COL21A1: variants seen among roughly 807,000 people sequenced by gnomAD.
COL21A1 encodes the protein collagen alpha-1(XXI) chain.
Under a neutral mutation model 137.9 loss-of-function variants are expected in COL21A1, and 149 were observed. The observed-to-expected ratio is 1.08, with a 90% confidence interval of 0.95 to 1.24. The LOEUF (loss-of-function observed/expected upper bound fraction) is 1.24. COL21A1 is among the 50% of genes most tolerant of loss of function. The pLI, the probability that COL21A1 is intolerant of heterozygous loss-of-function variation, is 0.00. For missense variants in COL21A1, 1,167 were observed against 1,158.4 expected (o/e 1.01, Z -0.11); for synonymous variants, 456 against 391.5 (o/e 1.16, Z -1.95).
intron 1 of COL21A1, among the ~76,000 whole-genome samples, chr6:56,318,023 AC>A (rs1203943976): frequency 6.6e-6 from 1 of 152,214 alleles, no homozygotes; most frequent in Non-Finnish European, 1.5e-5. Flanking sequence ...CACATTAAGT[AC>A]CATGTGCAAA....
In COL21A1 at chr6:56,170,775, T is replaced by C; in HGVS notation, c.900A>G (p.Ile300Met). The part of the protein sequence containing the change: ...KVKKIWDLWR[I>M]LTIDGRPQIA... Reference sequence around the variant, plus strand: ...TTTGTGGCCTTCCATCAATAGTTAATATTCTCCATAAATCCCAAATTTTCT... The same window carrying C: ...TTTGTGGCCTTCCATCAATAGTTAACATTCTCCATAAATCCCAAATTTTCT... The change falls in exon 5 of 30, where the codon ATA (isoleucine) becomes ATG (methionine). Residue 300 changes from isoleucine to methionine, a missense_variant. Physicochemically the swap from Ile to Met is conservative, Grantham distance 10. Transcript: ENST00000244728. 1 of 1,608,630 alleles carries C rather than the reference T, an allele frequency of 6.2e-7. No homozygotes were observed. Among genetic ancestry groups the C allele is most frequent in the Non-Finnish European group, 8.5e-7 (1 of 1,176,508 alleles).
At chr6:56,109,753 G>A (rs1426191989) in intron 16 of COL21A1, among the ~76,000 whole-genome samples, 2 of 151,936 alleles carry the variant, frequency 1.3e-5, no homozygotes, top group Non-Finnish European at 2.9e-5. Context: ...AACAAAATAT[G>A]CCAAGAAATT....
At chr6:56,158,064 T>G (rs12207447) in intron 9 of COL21A1, among the ~76,000 whole-genome samples, 10,918 of 152,134 alleles carry the variant, frequency 0.072, 435 homozygotes, top group Middle Eastern at 0.12. Context: ...GCAACACTTT[T>G]TGTGAGGTGA....
At chr6:56,114,921 C>T (rs571357851) in intron 16 of COL21A1, among the ~76,000 whole-genome samples, 8 of 148,528 alleles carry the variant, frequency 5.4e-5, no homozygotes, top group African/African-American at 2.0e-4. Flanking sequence ...TTGGAACCAA[C>T]CCAAATGTCC....
intron 16 of COL21A1, among the ~76,000 whole-genome samples, chr6:56,107,473 A>C (rs897375139): frequency 1.3e-5 from 2 of 152,190 alleles, no homozygotes; most frequent in Non-Finnish European, 2.9e-5. Context: ...TTTTTGGAGT[A>C]ACTGGGATTT....
chr6:56,065,811 G>A (rs760788450), intron 23 of COL21A1, among the ~76,000 whole-genome samples: 1 of 151,916 alleles, frequency 6.6e-6, no homozygotes, highest in Non-Finnish European at 1.5e-5. Context: ...CATGTGTGGG[G>A]CACGATTAAA....
At chr6:56,388,412 T>G (rs892917030) in intron 1 of COL21A1, among the ~76,000 whole-genome samples, 1 of 152,224 alleles carries the variant, frequency 6.6e-6, no homozygotes, top group African/African-American at 2.4e-5. Context: ...CAGAGACTCC[T>G]GCTGATTGGA....
chr6:56,216,694 C>T (rs1253697545), intron 1 of COL21A1, among the ~76,000 whole-genome samples: 1 of 152,030 alleles, frequency 6.6e-6, no homozygotes, highest in East Asian at 1.9e-4. Context: ...ATTCTTTTCT[C>T]TAACCACCTG....
chr6:56,168,848 C>T (rs1479773429), intron 5 of COL21A1, among the ~76,000 whole-genome samples: 1 of 151,872 alleles, frequency 6.6e-6, no homozygotes, highest in East Asian at 1.9e-4. Flanking sequence ...TCCTCCAGGC[C>T]AATTATCACT....
chr6:56,188,204 T>C (rs979447822), intron 1 of COL21A1, among the ~76,000 whole-genome samples: 2 of 152,218 alleles, frequency 1.3e-5, no homozygotes, highest in Non-Finnish European at 2.9e-5. Context: ...AAAACAGATG[T>C]AATCACTTTA....
At chr6:56,389,396 G>C (rs2094024703) in intron 1 of COL21A1, among the ~76,000 whole-genome samples, 1 of 148,874 alleles carries the variant, frequency 6.7e-6, no homozygotes, top group Non-Finnish European at 1.5e-5. Flanking sequence ...ATATACAAAG[G>C]AGAAAAAATT....
At chr6:56,303,151 A>G (rs1320116418) in intron 1 of COL21A1, among the ~76,000 whole-genome samples, 2 of 152,188 alleles carry the variant, frequency 1.3e-5, no homozygotes, top group African/African-American at 4.8e-5. Flanking sequence ...TATAGTTTGA[A>G]GTCAGGTAGC....
intron 2 of COL21A1, among the ~76,000 whole-genome samples, chr6:56,181,063 T>C (rs1582577087): frequency 2.6e-5 from 4 of 152,194 alleles, no homozygotes; most frequent in African/African-American, 9.7e-5. Flanking sequence ...TAGGTTGCCA[T>C]CCCCTCCTAA....
In COL21A1 at chr6:56,095,188, A is replaced by G. The variant is rs936230863; in HGVS notation, c.1812+6284T>C. On this transcript the variant is annotated intron_variant, in intron 17 of 29. Transcript: ENST00000244728. ...GACCTTCTCTTTAAATGCCTTTGTT[A>G]TTATTTAGATATGTTCCATTTAAAC... Among the ~76,000 whole-genome samples, 14 of 152,172 alleles carry G rather than the reference A, an allele frequency of 9.2e-5. No individual in the cohort carries two copies. The South Asian group carries it at 2.9e-3, about 32-fold the overall frequency.
intron 1 of COL21A1, among the ~76,000 whole-genome samples, chr6:56,388,767 T>G (rs1194690435): frequency 6.6e-6 from 1 of 152,002 alleles, no homozygotes; most frequent in African/African-American, 2.4e-5. Context: ...TTCAGGAAAA[T>G]TTGACATCAG....
At chr6:56,150,279 G>C (rs1315463597) in intron 10 of COL21A1, among the ~76,000 whole-genome samples, 1 of 152,172 alleles carries the variant, frequency 6.6e-6, no homozygotes, top group Non-Finnish European at 1.5e-5. Context: ...CACTCTTTGG[G>C]AGGTCGAGGC....
chr6:56,156,999 G>T, intron 9 of COL21A1, 50 bp from the exon 10 acceptor site: 1 of 1,279,338 alleles, frequency 7.8e-7, no homozygotes, highest in South Asian at 1.2e-5. Context: ...CAGCCACATT[G>T]GTGCAGTCAG....
chr6:56,075,982 C>T lies in COL21A1; in HGVS notation c.1858-450G>A, dbSNP rs150566403. Among the ~76,000 whole-genome samples, 251 of 151,644 alleles carry T rather than the reference C, an allele frequency of 1.7e-3. 2 individuals are homozygous for T. The highest frequency in any genetic ancestry group is 5.7e-3 in the African/African-American group (238 of 41,442). Reference sequence around the variant, plus strand: ...TCCAGAACAAAAATCCTAGAAGGAACATCCTCTGTGAGAGAGTGCTGGTCT... The same window carrying T: ...TCCAGAACAAAAATCCTAGAAGGAATATCCTCTGTGAGAGAGTGCTGGTCT... On this transcript the variant is annotated intron_variant, in intron 18 of 29. Transcript: ENST00000244728.
chr6:56,174,505 G>T (rs1777305067), intron 3 of COL21A1, among the ~76,000 whole-genome samples: 1 of 151,896 alleles, frequency 6.6e-6, no homozygotes, highest in Non-Finnish European at 1.5e-5. Context: ...GAAATAAAAA[G>T]GATTTTAAGT....
Sources: gnomAD v4.1 joint callset for allele counts (sites outside exome capture counted in the v4.1 genomes callset) on GRCh38, gnomAD v4.1.1 for gene constraint, MANE v1.5 for transcripts, NCBI Gene and HGNC (gene_info 2026-07-23, HGNC 2026-07-21) for gene names.